ATR: variants seen among roughly 807,000 people sequenced by gnomAD.
The protein encoded by ATR is serine/threonine-protein kinase ATR.
A neutral mutation model predicts 305.3 loss-of-function variants in ATR; 142 were observed. The observed-to-expected ratio is 0.47, with a 90% confidence interval of 0.41 to 0.53. The LOEUF (loss-of-function observed/expected upper bound fraction) is 0.53. Among genes scored for constraint, ATR ranks in the 20% least tolerant of loss-of-function variants. The pLI is 0.00. For synonymous variants in ATR, 1,050 were observed against 1,068.1 expected (o/e 0.98, Z 0.33); for missense variants, 2,135 against 3,133.1 (o/e 0.68, Z 7.60).
chr3:142,476,756 C>G (rs1164290525), intron 36 of ATR, among the ~76,000 whole-genome samples: 1 of 151,986 alleles, frequency 6.6e-6, no homozygotes, highest in South Asian at 2.1e-4. Flanking sequence ...TGTTTGTGTC[C>G]TCTTTTATTT....
At chr3:142,515,122 T>C (rs2032802631) in intron 25 of ATR, among the ~76,000 whole-genome samples, 1 of 152,168 alleles carries the variant, frequency 6.6e-6, no homozygotes, top group South Asian at 2.1e-4. Flanking sequence ...TTACATAGTA[T>C]TATTTTACAA....
At chr3:142,544,894 T>G (rs904857348) in intron 16 of ATR, among the ~76,000 whole-genome samples, 5 of 152,226 alleles carry the variant, frequency 3.3e-5, no homozygotes, top group Non-Finnish European at 5.9e-5. Context: ...AAATTGCATT[T>G]TGTTCTGCAA....
At chr3:142,569,515 T>C (rs1297197465) in intron 1 of ATR, among the ~76,000 whole-genome samples, 3 of 152,068 alleles carry the variant, frequency 2.0e-5, no homozygotes, top group African/African-American at 4.8e-5. Context: ...AGAGACAGGG[T>C]TTCACCACGT....
chr3:142,529,054 G>C (rs1258121881), intron 21 of ATR, among the ~76,000 whole-genome samples: 2 of 150,272 alleles, frequency 1.3e-5, no homozygotes, highest in Non-Finnish European at 3.0e-5. Flanking sequence ...GTTAATTTTT[G>C]TATTTTTAGT....
chr3:142,450,929 C>A lies in ATR; in HGVS notation c.7762-1327G>T, dbSNP rs562881558. ...AATAGCAGCTCACCCATTATCTTCG[C>A]GGAGCTCACCTCAGAAAAGAAAAAC... On this transcript the variant is annotated intron_variant, in intron 46 of 46. Transcript: ENST00000350721. 3.1e-5 allele frequency: 38 copies of A among 1,220,654 alleles called. 1 individual carries two copies. Among genetic ancestry groups the A allele is most frequent in the Non-Finnish European group, 3.9e-5 (38 of 966,190 alleles). The allele number at this position is 1,220,654 out of a possible 1,614,324, so 75.6% of individuals were successfully genotyped here.
intron 36 of ATR, among the ~76,000 whole-genome samples, chr3:142,476,245 T>G (rs2108291973): frequency 6.6e-6 from 1 of 152,348 alleles, no homozygotes; most frequent in African/African-American, 2.4e-5. Context: ...ATTTAAGTCT[T>G]TAATCCATCT....
Position 142,547,847 on chromosome 3 carries a change from A to G in ATR, c.3235T>C (p.Leu1079=), listed in dbSNP as rs1242090044. Residue 1079 remains leucine, a synonymous_variant, in exon 16 of 47, where the codon TTA becomes CTA. Transcript: ENST00000350721. The part of the protein sequence containing the change: ...RQDFQGLHNE[L]LLRIGEHYQQ... ...TAGTGTTCTCCAATACGCAGCAATA[A>G]TTCATTATGCAATCCTTGGAAATCT... 5.0e-6 allele frequency: 8 copies of G among 1,613,904 alleles called. No individual in the cohort carries two copies. Among genetic ancestry groups the G allele is most frequent in the Non-Finnish European group, 6.8e-6 (8 of 1,179,938 alleles).
intron 36 of ATR, among the ~76,000 whole-genome samples, chr3:142,475,674 A>C (rs566038944): frequency 1.2e-4 from 19 of 152,298 alleles, no homozygotes; most frequent in Admixed American, 1.0e-3. Flanking sequence ...AACCGCCACA[A>C]TGACTTCCAC....
intron 29 of ATR, among the ~76,000 whole-genome samples, chr3:142,504,607 C>T (rs982481369): frequency 1.3e-5 from 2 of 151,624 alleles, no homozygotes; most frequent in East Asian, 4.0e-4. Flanking sequence ...GGATTACAGG[C>T]GCTCGCCACC....
rs780538224 is a variant in ATR, at chr3:142,558,557, A to AATAG, written c.1885+63_1885+66dup. 38,359 of 613,834 alleles carry AATAG rather than the reference A, an allele frequency of 0.062. 1,937 individuals carry two copies. The highest frequency in any genetic ancestry group is 0.21 in the African/African-American group (8,140 of 38,652). The allele number at this position is 613,834 out of a possible 1,614,324, so 38.0% of individuals were successfully genotyped here. ...AAATAAATAAATAAATAAATAAATAAATAGATAGATAGATAGATAGATAGA... is the reference window on the plus strand; with the variant it reads ...AAATAAATAAATAAATAAATAAATAAATAGATAGATAGATAGATAGATAGATAGA... On this transcript the variant is annotated intron_variant, in intron 8 of 46. Transcript: ENST00000350721.
Position 142,462,066 on chromosome 3 carries a change from G to A in ATR, c.7066C>T (p.Arg2356Cys), listed in dbSNP as rs755264430. Residue 2356 changes from arginine (R) to cysteine (C), a missense_variant, in exon 42 of 47, where the codon CGT (arginine) becomes TGT (cysteine). This residue lies in a region of ATR where 462 missense variants were observed against 887.6 expected (regional missense o/e 0.52). Coordinates refer to ENST00000350721, the MANE Select transcript of ATR (RefSeq NM_001184.4). Reference sequence around the variant, plus strand: ...GTTCGAATATGAAGTTCTCTTCTACGAGACTCTGCATCTTTTCTTAAGCAC... The same window carrying A: ...GTTCGAATATGAAGTTCTCTTCTACAAGACTCTGCATCTTTTCTTAAGCAC... Reference protein sequence around the residue: ...NKCLRKDAESRRRELHIRTYA... With the variant: ...NKCLRKDAESCRRELHIRTYA... 6.2e-7 allele frequency: 1 copy of A among 1,612,578 alleles called. No homozygotes were observed. The highest frequency in any genetic ancestry group is 1.1e-5 in the South Asian group (1 of 91,020).
In ATR at chr3:142,540,924, A is replaced by C; in HGVS notation, c.3561T>G (p.Asp1187Glu). ...TLRTGLRFKD[D>E]FPELCCRAWD... ...TTTACCTGCAACACAATTCAGGAAA[A>C]TCATCCTTGAATCGAAGGCCAGTTC... The change falls in exon 18 of 47, where the codon GAT becomes GAG. Residue 1187 changes from aspartate to glutamate, a missense_variant. Asp to Glu is a conservative substitution (Grantham distance 45). Transcript: ENST00000350721. 1.9e-6 allele frequency: 3 copies of C among 1,612,756 alleles called. No homozygotes were observed. Among genetic ancestry groups the C allele is most frequent in the Non-Finnish European group, 2.5e-6 (3 of 1,179,372 alleles).
chr3:142,573,518 AG>A (rs2035342607), intron 1 of ATR, among the ~76,000 whole-genome samples: 1 of 140,560 alleles, frequency 7.1e-6, no homozygotes, highest in Non-Finnish European at 1.5e-5. Flanking sequence ...AAAAAAAAAA[AG>A]AATCAAAGAA....
chr3:142,484,309 T>C (rs192808698), intron 36 of ATR, among the ~76,000 whole-genome samples: 23 of 152,290 alleles, frequency 1.5e-4, no homozygotes, highest in African/African-American at 4.8e-4. Context: ...CCACTCACAT[T>C]TCTACATGGT....
At position 142,562,396 on chromosome 3, in the gene ATR, G is replaced by T; in HGVS notation, c.1006C>A (p.Arg336=). The part of the protein sequence containing the change: ...CVMFEDGVLM[R]LKSDLLKAAL... ...GCTTTTAGCAAATCAGACTTAAGCC[G>T]CATGAGCACACCGTCTTCAAACATG... is the stretch of plus-strand genomic sequence containing the variant. Residue 336 remains arginine (R), a synonymous_variant, in exon 4 of 47, where the codon CGG becomes AGG. Transcript: ENST00000350721. 1 of 1,614,102 alleles carries T rather than the reference G, an allele frequency of 6.2e-7. No homozygotes were observed. The highest frequency in any genetic ancestry group is 8.5e-7 in the Non-Finnish European group (1 of 1,179,994).
In ATR at chr3:142,528,877, A is replaced by ATTTT. The variant is rs201313146; in HGVS notation, c.3946-4679_3946-4678insAAAA. 5.8e-3 allele frequency among the ~76,000 whole-genome samples: 276 copies of ATTTT among 47,634 alleles called. 6 individuals carry two copies. The highest frequency in any genetic ancestry group is 7.1e-3 in the Non-Finnish European group (206 of 28,968). 31.2% of individuals were successfully genotyped at this position (47,634 alleles called of 152,430 possible). A position where few individuals can be genotyped will look rare whatever the true frequency, so the allele number is the denominator to read the frequency against. On this transcript the variant is annotated intron_variant, in intron 21 of 46. Transcript: ENST00000350721. ...ATCATATATATATATATATATATAT[A>ATTTT]TATTTTTTTTTTTTTTTTTTTTTTG...
intron 46 of ATR, chr3:142,452,921 T>C (rs1236017265): frequency 1.4e-6 from 2 of 1,408,908 alleles, no homozygotes; most frequent in Non-Finnish European, 9.2e-7. Context: ...ACTTTTATTA[T>C]ACAAATGCGA....
chr3:142,573,313 G>C (rs377739346), intron 1 of ATR, among the ~76,000 whole-genome samples: 2 of 152,096 alleles, frequency 1.3e-5, no homozygotes, highest in East Asian at 3.9e-4. Flanking sequence ...CAGGCGTGGT[G>C]GTGGGCGCCT....
chr3:142,482,173 G>A lies in ATR; in HGVS notation c.6221+2967C>T, dbSNP rs138378101. On this transcript the variant is annotated intron_variant, in intron 36 of 46. Coordinates refer to ENST00000350721, the MANE Select transcript of ATR (RefSeq NM_001184.4). ...TTCTATTATGTACCATTATTTAAAT[G>A]TTTTATGTACTTAAGGTTTCTAACC... 3.7e-4 allele frequency among the ~76,000 whole-genome samples: 56 copies of A among 152,106 alleles called. 1 individual carries two copies. The highest frequency in any genetic ancestry group is 1.1e-3 in the African/African-American group (47 of 41,518).
Sources: gnomAD v4.1 joint callset for allele counts (sites outside exome capture counted in the v4.1 genomes callset) on GRCh38, gnomAD v4.1.1 for gene constraint, gnomAD v4.1.1 regional missense constraint, MANE v1.5 for transcripts, NCBI Gene and HGNC (gene_info 2026-07-23, HGNC 2026-07-21) for gene names.